Variants in SMAD5 observed in about 807,000 individuals in gnomAD.
SMAD5 encodes the protein MAD, mothers against decapentaplegic homolog 5.
Under a neutral mutation model 43.1 loss-of-function variants are expected in SMAD5, and 9 were observed. That is an observed-to-expected ratio of 0.21 (90% CI 0.13 to 0.36). The LOEUF is 0.36. Among genes scored for constraint, SMAD5 ranks in the 10% least tolerant of loss-of-function variants. SMAD5 has a pLI of 1.00. For synonymous variants in SMAD5, 190 were observed against 192.4 expected (o/e 0.99, Z 0.10); for missense variants, 348 against 574.0 (o/e 0.61, Z 4.02).
rs749225255 is a variant in SMAD5, at chr5:136,153,886, A to G, written c.126A>G (p.Leu42=). ...CAGTTGATGCTTTGGTGAAGAAACT[A>G]AAAAAGAAAAAGGGTGCCATGGAGG... ...EKAVDALVKK[L]KKKKGAMEEL... The change falls in exon 3 of 8, where the codon CTA becomes CTG. Residue 42 remains leucine, a synonymous_variant. Transcript: ENST00000545279. 4 of 1,613,886 alleles carry G rather than the reference A, an allele frequency of 2.5e-6. No individual in the cohort carries two copies. The highest frequency in any genetic ancestry group is 1.7e-6 in the Non-Finnish European group (2 of 1,179,904).
intron 3 of SMAD5, among the ~76,000 whole-genome samples, chr5:136,157,995 A>C (rs1239133568): frequency 6.6e-6 from 1 of 152,180 alleles, no homozygotes; most frequent in Non-Finnish European, 1.5e-5. Context: ...CTACCTACCT[A>C]ATAGGTTGTT....
Position 136,153,903 on chromosome 5 carries a change from C to T in SMAD5, c.143C>T (p.Ala48Val). Residue 48 changes from alanine to valine, a missense_variant, in exon 3 of 8, where the codon GCC (alanine) becomes GTC (valine). Ala to Val is a moderately conservative substitution (Grantham distance 64). Coordinates refer to ENST00000545279, the MANE Select transcript of SMAD5 (RefSeq NM_005903.7). ...AAGAAACTAAAAAAGAAAAAGGGTG[C>T]CATGGAGGAACTGGAGAAAGCCTTG... ...LVKKLKKKKG[A>V]MEELEKALSS... 1.9e-6 allele frequency: 3 copies of T among 1,613,952 alleles called. No individual in the cohort carries two copies. Among genetic ancestry groups the T allele is most frequent in the Non-Finnish European group, 2.5e-6 (3 of 1,179,926 alleles).
At chr5:136,143,224 TTCTAG>T (rs1288807554) in intron 1 of SMAD5, among the ~76,000 whole-genome samples, 1 of 152,106 alleles carries the variant, frequency 6.6e-6, no homozygotes, top group Non-Finnish European at 1.5e-5. Flanking sequence ...ACCTTAACTT[TTCTAG>T]TTAGGCTTCT....
chr5:136,181,535 C>A lies in SMAD5; in HGVS notation c.*4055C>A, dbSNP rs1245219194. ...TTAGGGCAGCTTTTTGGGGAGTAATCTCAGGTCTCCCAGAGCAGCAGCATT... is the reference window on the plus strand; with the variant it reads ...TTAGGGCAGCTTTTTGGGGAGTAATATCAGGTCTCCCAGAGCAGCAGCATT... On this transcript the variant is annotated 3_prime_UTR_variant, in exon 8 of 8. Transcript: ENST00000545279. 2 of 152,100 alleles carry A rather than the reference C, an allele frequency of 1.3e-5. No individual in the cohort carries two copies. The highest frequency in any genetic ancestry group is 2.9e-5 in the Non-Finnish European group (2 of 67,998). 9.4% of individuals were successfully genotyped at this position (152,100 alleles called of 1,614,324 possible). A position where few individuals can be genotyped will look rare whatever the true frequency, so the allele number is the denominator to read the frequency against.
Position 136,160,901 on chromosome 5 carries a change from A to C in SMAD5, c.449A>C (p.Gln150Pro). 1 of 1,613,964 alleles carries C rather than the reference A, an allele frequency of 6.2e-7. No individual in the cohort carries two copies. Among genetic ancestry groups the C allele is most frequent in the Non-Finnish European group, 8.5e-7 (1 of 1,179,876 alleles). The change falls in exon 4 of 8, where the codon CAA becomes CCA. Residue 150 changes from glutamine (Q) to proline (P), a missense_variant. By Grantham distance (76) the Gln-to-Pro change is moderately conservative. Coordinates refer to ENST00000545279, the MANE Select transcript of SMAD5 (RefSeq NM_005903.7). Reference sequence around the variant, plus strand: ...CCTCGTCATAATGAATTCAATCCACAACACAGCCTTCTGGTTCAGTTTAGG... The same window carrying C: ...CCTCGTCATAATGAATTCAATCCACCACACAGCCTTCTGGTTCAGTTTAGG... The part of the protein sequence containing the change: ...LVPRHNEFNP[Q>P]HSLLVQFRNL...
intron 3 of SMAD5, among the ~76,000 whole-genome samples, chr5:136,159,726 A>G (rs1753765749): frequency 6.6e-6 from 1 of 152,196 alleles, no homozygotes; most frequent in Non-Finnish European, 1.5e-5. Flanking sequence ...GAACAAAACG[A>G]TTGTAGTCAG....
chr5:136,177,585 CTTAT>C lies in SMAD5; in HGVS notation c.*108_*111del, dbSNP rs1300190205. 1 of 821,194 alleles carries C rather than the reference CTTAT, an allele frequency of 1.2e-6. No homozygotes were observed. The highest frequency in any genetic ancestry group is 1.9e-6 in the Non-Finnish European group (1 of 534,352). 50.9% of individuals were successfully genotyped at this position (821,194 alleles called of 1,614,324 possible). A position where few individuals can be genotyped will look rare whatever the true frequency, so the allele number is the denominator to read the frequency against. On this transcript the variant is annotated 3_prime_UTR_variant, in exon 8 of 8. Transcript: ENST00000545279. ...CTTACATTGAAAACAGATATTACAGCTTATTTTTTTCTACATAATTGTGACCAAT... is the reference window on the plus strand; with the variant it reads ...CTTACATTGAAAACAGATATTACAGCTTTTTTCTACATAATTGTGACCAAT...
chr5:136,165,980 CT>C (rs972706587), intron 5 of SMAD5, among the ~76,000 whole-genome samples: 5 of 151,700 alleles, frequency 3.3e-5, no homozygotes. Context: ...TATATTTATA[CT>C]TTTTTGAGGA....
chr5:136,144,935 C>T (rs1384470543), intron 1 of SMAD5, among the ~76,000 whole-genome samples: 1 of 148,608 alleles, frequency 6.7e-6, no homozygotes, highest in Non-Finnish European at 1.5e-5. Flanking sequence ...AAAAGCAACA[C>T]TGAGGAATAT....
At chr5:136,153,228 A>G (rs1164261123) in intron 2 of SMAD5, among the ~76,000 whole-genome samples, 2 of 152,192 alleles carry the variant, frequency 1.3e-5, no homozygotes, top group East Asian at 3.9e-4. Flanking sequence ...CAAAATTGAC[A>G]TAGCATGTAA....
At chr5:136,175,034 C>G (rs575795457) in intron 7 of SMAD5, among the ~76,000 whole-genome samples, 4 of 151,798 alleles carry the variant, frequency 2.6e-5, no homozygotes, top group South Asian at 4.2e-4. Context: ...GCCTCACAAT[C>G]ATGGCGGAAG....
chr5:136,138,648 A>C (rs1752967888), intron 1 of SMAD5, among the ~76,000 whole-genome samples: 1 of 152,168 alleles, frequency 6.6e-6, no homozygotes, highest in Non-Finnish European at 1.5e-5. Flanking sequence ...GAGAACCACA[A>C]GGGTAAGAGA....
chr5:136,151,994 T>C (rs1219026138), intron 2 of SMAD5, among the ~76,000 whole-genome samples: 1 of 152,114 alleles, frequency 6.6e-6, no homozygotes, highest in African/African-American at 2.4e-5. Context: ...GTGACAATTA[T>C]GCTTTCATTC....
intron 3 of SMAD5, 138 bp from the exon 4 acceptor site, chr5:136,160,718 A>G (rs1753793338): frequency 1.3e-6 from 1 of 776,616 alleles, no homozygotes; most frequent in Non-Finnish European, 2.1e-6. Flanking sequence ...TCAGGGCTCT[A>G]TAAAACAGCC....
chr5:136,153,210 A>G (rs568814393), intron 2 of SMAD5, among the ~76,000 whole-genome samples: 11 of 152,302 alleles, frequency 7.2e-5, no homozygotes, highest in African/African-American at 2.2e-4. Flanking sequence ...TCAGGACACA[A>G]TCACGTTCAA....
chr5:136,159,896 T>C (rs775806026), intron 3 of SMAD5, among the ~76,000 whole-genome samples: 3 of 152,214 alleles, frequency 2.0e-5, no homozygotes, highest in Non-Finnish European at 4.4e-5. Flanking sequence ...CAAACTCATT[T>C]TGTTGATGCT....
In SMAD5 at chr5:136,181,111, G is replaced by A. The variant is rs752813537; in HGVS notation, c.*3631G>A. 1 of 152,048 alleles carries A rather than the reference G, an allele frequency of 6.6e-6. No individual in the cohort carries two copies. Among genetic ancestry groups the A allele is most frequent in the Non-Finnish European group, 1.5e-5 (1 of 67,946 alleles). The allele number at this position is 152,048 out of a possible 1,614,324, so 9.4% of individuals were successfully genotyped here. On this transcript the variant is annotated 3_prime_UTR_variant, in exon 8 of 8. Transcript: ENST00000545279. ...ACTTCTGTGATAGAGAACATCTGATGTACCAATTTAGATCTATTTCTTTAT... is the reference window on the plus strand; with the variant it reads ...ACTTCTGTGATAGAGAACATCTGATATACCAATTTAGATCTATTTCTTTAT...
intron 6 of SMAD5, 104 bp downstream of exon 6, chr5:136,172,759 C>A: frequency 1.3e-6 from 1 of 765,120 alleles, no homozygotes; most frequent in Non-Finnish European, 2.3e-6. Context: ...AGAAGTTTGA[C>A]ACGTGGCCTC....
intron 1 of SMAD5, among the ~76,000 whole-genome samples, chr5:136,143,728 C>G (rs1354388772): frequency 1.3e-5 from 2 of 151,846 alleles, no homozygotes; most frequent in Non-Finnish European, 2.9e-5. Flanking sequence ...ATATGACAAG[C>G]AGTTATTCTT....
Sources: gnomAD v4.1 joint callset for allele counts (sites outside exome capture counted in the v4.1 genomes callset) on GRCh38, gnomAD v4.1.1 for gene constraint, MANE v1.5 for transcripts, NCBI Gene and HGNC (gene_info 2026-07-23, HGNC 2026-07-21) for gene names.